Variants in ASIC5 observed in about 807,000 individuals in gnomAD.
The protein encoded by ASIC5 is acid sensing ion channel subunit family member 5.
ASIC5 carries 52 observed loss-of-function variants against 51.2 expected under a neutral mutation model. The ratio of observed to expected loss-of-function variants is 1.02; its 90% CI spans 0.81 to 1.28. The LOEUF (loss-of-function observed/expected upper bound fraction) is 1.28, where lower values mean the gene tolerates loss of function less well. Among genes scored for constraint, ASIC5 ranks in the 50% most tolerant of loss-of-function variants. The probability of loss-of-function intolerance (pLI) is 0.00; values close to 1 mark genes in which losing one functional copy is unlikely to be tolerated. For synonymous variants in ASIC5, 231 were observed against 200.7 expected (o/e 1.15, Z -1.28); for missense variants, 635 against 595.0 (o/e 1.07, Z -0.70).
chr4:155,852,446 T>C (rs1741404486), intron 3 of ASIC5, 130 bp from the exon 4 acceptor site: 4 of 717,710 alleles, frequency 5.6e-6, no homozygotes, highest in Non-Finnish European at 8.7e-6. Context: ...GAGAATAGTC[T>C]GATTTATATG....
intron 2 of ASIC5, among the ~76,000 whole-genome samples, chr4:155,861,296 T>C (rs143491919): frequency 5.3e-5 from 8 of 152,086 alleles, no homozygotes; most frequent in African/African-American, 1.4e-4. Flanking sequence ...TTAAGTCTTC[T>C]GTGTCTTCTA....
chr4:155,829,970 G>A lies in ASIC5; in HGVS notation c.1404C>T (p.Phe468=). The part of the protein sequence containing the change: ...ITIIEIIEYL[F]TNFYWICIFF... ...AAATGCATATCCAGTAGAAATTGGT[G>A]AATAGATATTCAATAATTTCTATGA... Residue 468 remains phenylalanine (F), a synonymous_variant, in exon 10 of 10, where the codon TTC becomes TTT. Transcript: ENST00000537611. The A allele has an allele frequency of 6.2e-7, 1 of 1,602,300 alleles. No homozygotes were observed. Among genetic ancestry groups the A allele is most frequent in the East Asian group, 2.3e-5 (1 of 44,344 alleles).
rs1325597374 is a variant in ASIC5, at chr4:155,836,925, TAA to T, written c.1067-70_1067-69del. ...TTTCATCATGGGTAGGATAGTTTTA[TAA>T]AGTTTATCATTTCACTTTCAATATT... On this transcript the variant is annotated intron_variant, in intron 7 of 9. Transcript: ENST00000537611. 2.5e-6 allele frequency: 3 copies of T among 1,216,568 alleles called. No homozygotes were observed. The African/African-American group carries it at 4.6e-5, about 19-fold the overall frequency. 75.4% of individuals were successfully genotyped at this position (1,216,568 alleles called of 1,614,324 possible).
rs1741764711 is a variant in ASIC5 at position 155,863,391 on chromosome 4, A to T, written c.347+57T>A. 3.7e-6 allele frequency: 5 copies of T among 1,355,690 alleles called. No homozygotes were observed. In the South Asian group the frequency reaches 7.0e-5, roughly 19 times the overall value. 84.0% of individuals were successfully genotyped at this position (1,355,690 alleles called of 1,614,324 possible). A position where few individuals can be genotyped will look rare whatever the true frequency, so the allele number is the denominator to read the frequency against. On this transcript the variant is annotated intron_variant, in intron 2 of 9. Coordinates refer to ENST00000537611, the MANE Select transcript of ASIC5 (RefSeq NM_017419.3). ...GAAAACTCTTTGTCAGTCATCCAAG[A>T]AAGATTATACTAGCAAATTTATAGG... is the stretch of plus-strand genomic sequence containing the variant.
At chr4:155,846,429 A>G (rs1741243492) in intron 4 of ASIC5, among the ~76,000 whole-genome samples, 1 of 152,136 alleles carries the variant, frequency 6.6e-6, no homozygotes, top group African/African-American at 2.4e-5. Flanking sequence ...AATTTTCAAA[A>G]TTACCATAAT....
intron 8 of ASIC5, among the ~76,000 whole-genome samples, chr4:155,835,559 A>T (rs1740959968): frequency 6.6e-6 from 1 of 152,298 alleles, no homozygotes; most frequent in Middle Eastern, 3.4e-3. Context: ...GGAGATTTCT[A>T]TCAACCAAAA....
intron 7 of ASIC5, among the ~76,000 whole-genome samples, chr4:155,837,427 C>G (rs937767280): frequency 1.3e-5 from 2 of 152,126 alleles, no homozygotes; most frequent in African/African-American, 4.8e-5. Context: ...ACCAGGCTGT[C>G]CATGCAAATG....
chr4:155,831,991 A>C (rs1579281063), intron 8 of ASIC5, 76 bp from the exon 9 acceptor site: 2 of 769,696 alleles, frequency 2.6e-6, no homozygotes, highest in African/African-American at 3.6e-5. Flanking sequence ...TAAAGGTAAT[A>C]TTCATTTTTG....
chr4:155,842,599 C>G (rs1265734240), intron 5 of ASIC5, among the ~76,000 whole-genome samples: 1 of 151,956 alleles, frequency 6.6e-6, no homozygotes, highest in Non-Finnish European at 1.5e-5. Context: ...ATTGAGTATT[C>G]TAAAAATCAA....
chr4:155,844,295 T>C (rs1476442656), intron 4 of ASIC5, among the ~76,000 whole-genome samples: 2 of 151,952 alleles, frequency 1.3e-5, no homozygotes, highest in Non-Finnish European at 2.9e-5. Context: ...CTGAGGTTCA[T>C]TCGCTATTAA....
rs1190276977 is a variant in ASIC5, at chr4:155,842,340, T to C, written c.876A>G (p.Glu292=). The C allele has an allele frequency of 1.9e-6, 3 of 1,612,214 alleles. No individual in the cohort carries two copies. The Admixed American group carries it at 5.0e-5, about 27-fold the overall frequency. Reference sequence around the variant, plus strand: ...TAGGATTGCATTCTCCCCAAGGGTATTCTTGATGAACTGTCTTAAGATAAG... The same window carrying C: ...TAGGATTGCATTCTCCCCAAGGGTACTCTTGATGAACTGTCTTAAGATAAG... The part of the protein sequence containing the change: ...TIRQVKTVHQ[E]YPWGECNPNI... Residue 292 remains glutamate (E), a synonymous_variant, in exon 6 of 10, where the codon GAA becomes GAG. Coordinates refer to ENST00000537611, the MANE Select transcript of ASIC5 (RefSeq NM_017419.3).
intron 8 of ASIC5, among the ~76,000 whole-genome samples, chr4:155,833,972 T>C (rs1184249882): frequency 6.6e-6 from 1 of 152,196 alleles, no homozygotes; most frequent in African/African-American, 2.4e-5. Context: ...AAATAGTTTC[T>C]AAAAAAGCTT....
chr4:155,850,789 A>G (rs1163672476), intron 4 of ASIC5, among the ~76,000 whole-genome samples: 1 of 152,028 alleles, frequency 6.6e-6, no homozygotes, highest in Non-Finnish European at 1.5e-5. Flanking sequence ...TTTTCCCATA[A>G]GAGTGAAGAT....
chr4:155,845,357 T>TA (rs1309061259), intron 4 of ASIC5, among the ~76,000 whole-genome samples: 1 of 149,794 alleles, frequency 6.7e-6, no homozygotes, highest in Non-Finnish European at 1.5e-5. Context: ...TTTTGTGGGT[T>TA]TTTTTTTTGT....
At chr4:155,832,453 C>T (rs1349079775) in intron 8 of ASIC5, among the ~76,000 whole-genome samples, 1 of 152,132 alleles carries the variant, frequency 6.6e-6, no homozygotes, top group Non-Finnish European at 1.5e-5. Context: ...TAGGCAAAGA[C>T]TCTGTTTTCT....
At chr4:155,842,402 T>C in intron 5 of ASIC5, 48 bp from the exon 6 acceptor site, 1 of 1,473,906 alleles carries the variant, frequency 6.8e-7, no homozygotes, top group Non-Finnish European at 9.2e-7. Flanking sequence ...TTACATCAAT[T>C]CACTTATTTT....
chr4:155,837,903 C>A (rs1281147935), intron 7 of ASIC5, among the ~76,000 whole-genome samples: 3 of 152,018 alleles, frequency 2.0e-5, no homozygotes, highest in Non-Finnish European at 4.4e-5. Context: ...CGCTAAACTG[C>A]ATGCATGGTT....
At chr4:155,845,103 A>G (rs889008337) in intron 4 of ASIC5, among the ~76,000 whole-genome samples, 3 of 152,092 alleles carry the variant, frequency 2.0e-5, no homozygotes, top group Admixed American at 6.6e-5. Context: ...AGGAAAAAAA[A>G]AGGAAAGATT....
intron 2 of ASIC5, 23 bp downstream of exon 2, chr4:155,863,424 TA>T: frequency 6.4e-7 from 1 of 1,559,718 alleles, no homozygotes; most frequent in Non-Finnish European, 8.7e-7. Flanking sequence ...AGGAACTAAT[TA>T]TTTTTAAAAA....
Sources: allele counts gnomAD v4.1 joint callset (sites outside exome capture counted in the v4.1 genomes callset), GRCh38; gene constraint gnomAD v4.1.1; transcripts MANE v1.5; gene names NCBI Gene and HGNC (gene_info 2026-07-23, HGNC 2026-07-21).